Variants in BAIAP2L1 observed in about 807,000 individuals in gnomAD.
The protein encoded by BAIAP2L1 is BAR/IMD domain containing adaptor protein 2 like 1, also known as BAR/IMD domain-containing adapter protein 2-like 1.
A neutral mutation model predicts 66.3 loss-of-function variants in BAIAP2L1; 35 were observed. That is an observed-to-expected ratio of 0.53 (90% CI 0.40 to 0.70). BAIAP2L1 has a LOEUF of 0.70. Ranked by LOEUF, BAIAP2L1 falls within the 30% of genes least tolerant of loss-of-function variation. BAIAP2L1 has a pLI of 0.00. For synonymous variants in BAIAP2L1, 269 were observed against 248.7 expected, an observed-to-expected ratio of 1.08 and a Z score of -0.77; for missense variants, 622 against 656.9, an observed-to-expected ratio of 0.95 and a Z score of 0.58.
chr7:98,299,263 C>A (rs371125291), intron 12 of BAIAP2L1, among the ~76,000 whole-genome samples: 2 of 152,222 alleles, frequency 1.3e-5, no homozygotes, highest in African/African-American at 4.8e-5. Flanking sequence ...AGGTGATCCA[C>A]CTGCCTCGGC....
At chr7:98,381,220 CA>C (rs923433003) in intron 1 of BAIAP2L1, among the ~76,000 whole-genome samples, 6 of 152,142 alleles carry the variant, frequency 3.9e-5, no homozygotes, top group African/African-American at 1.2e-4. Context: ...TTTTTCCAGG[CA>C]AAAGTCCTTA....
At chr7:98,369,676 T>C (rs1802465657) in intron 1 of BAIAP2L1, among the ~76,000 whole-genome samples, 2 of 143,766 alleles carry the variant, frequency 1.4e-5, no homozygotes, top group Admixed American at 7.0e-5. Context: ...TTTTTTTTTT[T>C]TTTTTTTTTT....
chr7:98,293,534 G>A lies in BAIAP2L1; in HGVS notation c.1523C>T (p.Pro508Leu). 2 of 1,613,532 alleles carry A rather than the reference G, an allele frequency of 1.2e-6. No individual in the cohort carries two copies. The highest frequency in any genetic ancestry group is 1.7e-6 in the Non-Finnish European group (2 of 1,179,810). Residue 508 changes from proline (P) to leucine (L), a missense_variant, in exon 14 of 14, where the codon CCC becomes CTC. Transcript: ENST00000005260. ...TTGGCTGTCCTCTCATCGAATGATGGGTGCCGAGCGATCATTCGTCACAGT... is the reference window on the plus strand; with the variant it reads ...TTGGCTGTCCTCTCATCGAATGATGAGTGCCGAGCGATCATTCGTCACAGT... The part of the protein sequence containing the change: ...RPTVTNDRSA[P>L]IIR
chr7:98,362,306 C>G, intron 2 of BAIAP2L1, 51 bp downstream of exon 2: 1 of 1,346,880 alleles, frequency 7.4e-7, no homozygotes. Flanking sequence ...AAAATAATTA[C>G]ATATTTACTG....
intron 4 of BAIAP2L1, 48 bp downstream of exon 4, chr7:98,320,189 A>C (rs1330873964): frequency 6.3e-7 from 1 of 1,588,402 alleles, no homozygotes; most frequent in Non-Finnish European, 8.6e-7. Context: ...AATAAGTTCT[A>C]AAACCTGAAA....
chr7:98,362,410 G>A lies in BAIAP2L1; in HGVS notation c.74C>T (p.Pro25Leu). 6.2e-7 allele frequency: 1 copy of A among 1,611,850 alleles called. No homozygotes were observed. The highest frequency in any genetic ancestry group is 1.7e-4 in the Middle Eastern group (1 of 6,052). ...CAGGTTTATTAAATTTCGCAGCCCA[G>A]GATTGAACTGTTCCATAACATTCTG... ...TYRNVMEQFN[P>L]GLRNLINLGK... Residue 25 changes from proline to leucine, a missense_variant, in exon 2 of 14, where the codon CCT (proline) becomes CTT (leucine). Coordinates refer to ENST00000005260, the MANE Select transcript of BAIAP2L1 (RefSeq NM_018842.5).
rs1800888576 is a variant in BAIAP2L1, at chr7:98,311,948, G to A, written c.807+149C>T. ...AACAAACATGTGCCCAGCTACCTTCGCCCCTAAAGGTAAGGGGATAGAGGT... is the reference window on the plus strand; with the variant it reads ...AACAAACATGTGCCCAGCTACCTTCACCCCTAAAGGTAAGGGGATAGAGGT... On this transcript the variant is annotated intron_variant, in intron 8 of 13. Transcript: ENST00000005260. 3.3e-5 allele frequency: 24 copies of A among 734,496 alleles called. No individual in the cohort carries two copies. The South Asian group carries it at 4.2e-4, about 13-fold the overall frequency. 45.5% of individuals were successfully genotyped at this position (734,496 alleles called of 1,614,324 possible). A position where few individuals can be genotyped will look rare whatever the true frequency, so the allele number is the denominator to read the frequency against.
At chr7:98,391,039 T>A (rs1803029247) in intron 1 of BAIAP2L1, among the ~76,000 whole-genome samples, 1 of 151,282 alleles carries the variant, frequency 6.6e-6, no homozygotes. Context: ...AAATGGGGTT[T>A]CACCATGTTG....
chr7:98,345,871 C>A (rs1445949305), intron 3 of BAIAP2L1, among the ~76,000 whole-genome samples: 4 of 151,630 alleles, frequency 2.6e-5, no homozygotes, highest in Non-Finnish European at 4.4e-5. Context: ...TGAGAGCCCA[C>A]TTCACACTAC....
intron 3 of BAIAP2L1, among the ~76,000 whole-genome samples, chr7:98,326,247 G>A (rs137855287): frequency 1.8e-4 from 27 of 152,234 alleles, no homozygotes; most frequent in African/African-American, 5.3e-4. Flanking sequence ...ACTGTACTCC[G>A]GCCTGGGCAA....
intron 3 of BAIAP2L1, among the ~76,000 whole-genome samples, chr7:98,339,853 G>A (rs770831179): frequency 3.3e-5 from 5 of 152,166 alleles, no homozygotes; most frequent in Non-Finnish European, 7.4e-5. Flanking sequence ...TGTAAGTAGC[G>A]CTTGTGAACA....
At chr7:98,347,740 ACT>A (rs1801905085) in intron 3 of BAIAP2L1, among the ~76,000 whole-genome samples, 1 of 151,864 alleles carries the variant, frequency 6.6e-6, no homozygotes, top group South Asian at 2.1e-4. Flanking sequence ...GCGCCACTGC[ACT>A]CTGTCTGCCC....
chr7:98,308,667 A>T lies in BAIAP2L1; in HGVS notation c.956-771T>A, dbSNP rs80140366. On this transcript the variant is annotated intron_variant, in intron 9 of 13. Transcript: ENST00000005260. The stretch of plus-strand genomic sequence containing the variant: ...CTCCAGGGGAAAAAAGGTAGAAAAA[A>T]ATATATATATATGTATGTATATACA... 631 of 233,596 alleles carry T rather than the reference A, an allele frequency of 2.7e-3. 8 individuals carry two copies. Among genetic ancestry groups the T allele is most frequent in the African/African-American group, 0.013 (575 of 44,866 alleles). The allele number at this position is 233,596 out of a possible 1,614,324, so 14.5% of individuals were successfully genotyped here.
chr7:98,332,625 A>T (rs1241034347), intron 3 of BAIAP2L1, among the ~76,000 whole-genome samples: 7 of 150,952 alleles, frequency 4.6e-5, no homozygotes, highest in African/African-American at 1.5e-4. Flanking sequence ...CTGGCCAACA[A>T]GGTGAAACCC....
chr7:98,319,054 C>A (rs1363721043), intron 5 of BAIAP2L1, among the ~76,000 whole-genome samples: 1 of 152,050 alleles, frequency 6.6e-6, no homozygotes, highest in Non-Finnish European at 1.5e-5. Flanking sequence ...AGCAGCTGTC[C>A]GGGTCCTGTG....
chr7:98,393,172 T>TACACAC lies in BAIAP2L1; in HGVS notation c.51+7629_51+7630insGTGTGT, dbSNP rs1803108543. Among the ~76,000 whole-genome samples the TACACAC allele has an allele frequency of 3.4e-5, 4 of 118,154 alleles. 1 individual carries two copies. Among genetic ancestry groups the TACACAC allele is most frequent in the African/African-American group, 5.4e-5 (2 of 37,014 alleles). The allele number at this position is 118,154 out of a possible 152,430, so 77.5% of individuals were successfully genotyped here. A position where few individuals can be genotyped will look rare whatever the true frequency, so the allele number is the denominator to read the frequency against. On this transcript the variant is annotated intron_variant, in intron 1 of 13. Coordinates refer to ENST00000005260, the MANE Select transcript of BAIAP2L1 (RefSeq NM_018842.5). Reference sequence around the variant, plus strand: ...ATATATATGTACACATATATGTATATATATACATATATGTGTGTGTTTATA... The same window carrying TACACAC: ...ATATATATGTACACATATATGTATATACACACATATACATATATGTGTGTGTTTATA...
chr7:98,331,002 G>C (rs1801482908), intron 3 of BAIAP2L1, among the ~76,000 whole-genome samples: 1 of 152,114 alleles, frequency 6.6e-6, no homozygotes, highest in African/African-American at 2.4e-5. Context: ...ATAAAATTGG[G>C]AGGGGGCTGA....
At chr7:98,317,711 C>G (rs987632326) in intron 5 of BAIAP2L1, among the ~76,000 whole-genome samples, 1 of 150,830 alleles carries the variant, frequency 6.6e-6, no homozygotes, top group Non-Finnish European at 1.5e-5. Flanking sequence ...GGACCATCAC[C>G]CCGCAGTTCA....
chr7:98,322,654 T>G (rs568518603), intron 3 of BAIAP2L1, among the ~76,000 whole-genome samples: 1 of 152,078 alleles, frequency 6.6e-6, no homozygotes, highest in East Asian at 1.9e-4. Context: ...GGCGGAGGAT[T>G]CTCCCATCCA....
Sources: allele counts gnomAD v4.1 joint callset (sites outside exome capture counted in the v4.1 genomes callset), GRCh38; gene constraint gnomAD v4.1.1; transcripts MANE v1.5; gene names NCBI Gene and HGNC (gene_info 2026-07-23, HGNC 2026-07-21).